RBMS2: variants seen among roughly 807,000 people sequenced by gnomAD.
RBMS2 encodes RNA binding motif single stranded interacting protein 2.
A neutral mutation model predicts 58.4 loss-of-function variants in RBMS2; 38 were observed. That is an observed-to-expected ratio of 0.65 (90% CI 0.50 to 0.85). The LOEUF (loss-of-function observed/expected upper bound fraction) is 0.85, where lower values mean the gene tolerates loss of function less well. Among genes scored for constraint, RBMS2 ranks in the 40% least tolerant of loss-of-function variants. The pLI is 0.00. For missense variants in RBMS2, 367 were observed against 503.7 expected (o/e 0.73, Z 2.60); for synonymous variants, 151 against 180.7 (o/e 0.84, Z 1.32).
chr12:56,536,788 T>C (rs1482072457), intron 1 of RBMS2, among the ~76,000 whole-genome samples: 3 of 151,860 alleles, frequency 2.0e-5, no homozygotes, highest in Non-Finnish European at 2.9e-5. Context: ...AGGCTGGTCT[T>C]GAACTCCTGA....
intron 1 of RBMS2, among the ~76,000 whole-genome samples, chr12:56,538,253 G>C (rs979772466): frequency 5.9e-5 from 9 of 151,646 alleles, no homozygotes; most frequent in African/African-American, 2.2e-4. Flanking sequence ...GGCTGGTGTC[G>C]AACTCCTGGC....
intron 11 of RBMS2, 134 bp downstream of exon 11, chr12:56,587,798 C>T: frequency 7.7e-7 from 1 of 1,306,970 alleles, no homozygotes; most frequent in African/African-American, 1.5e-5. Context: ...CAGAACAGGA[C>T]ATAAACTACA....
intron 1 of RBMS2, among the ~76,000 whole-genome samples, chr12:56,530,198 G>A (rs1016149442): frequency 7.3e-5 from 11 of 151,158 alleles, no homozygotes; most frequent in African/African-American, 2.7e-4. Context: ...GTGAGCCACT[G>A]TGCCTAGTCC....
chr12:56,566,205 T>C (rs191298257), intron 2 of RBMS2, among the ~76,000 whole-genome samples: 33 of 152,310 alleles, frequency 2.2e-4, no homozygotes, highest in Admixed American at 1.8e-3. Context: ...GTCAGTGAGA[T>C]GCCGCCAAGG....
At chr12:56,567,527 T>C (rs1208778709) in intron 2 of RBMS2, among the ~76,000 whole-genome samples, 1 of 151,958 alleles carries the variant, frequency 6.6e-6, no homozygotes, top group Non-Finnish European at 1.5e-5. Context: ...ATTTAGATGG[T>C]TTTTTGTTTA....
chr12:56,538,522 C>G (rs916759744), intron 1 of RBMS2, among the ~76,000 whole-genome samples: 7 of 132,250 alleles, frequency 5.3e-5, no homozygotes, highest in African/African-American at 1.5e-4. Flanking sequence ...CTGTCTCACT[C>G]TGTCACCCAG....
intron 5 of RBMS2, among the ~76,000 whole-genome samples, chr12:56,573,574 C>A (rs569508640): frequency 3.8e-4 from 57 of 151,904 alleles, no homozygotes; most frequent in Admixed American, 6.6e-4. Flanking sequence ...GCTGGCAATC[C>A]CGTGTATATC....
At chr12:56,572,252 G>A (rs375296083) in intron 5 of RBMS2, among the ~76,000 whole-genome samples, 29 of 141,182 alleles carry the variant, frequency 2.1e-4, no homozygotes, top group African/African-American at 7.2e-4. Flanking sequence ...TCGCACCACT[G>A]CACTGCAGCC....
At chr12:56,588,059 G>A (rs368900039) in intron 11 of RBMS2, among the ~76,000 whole-genome samples, 3 of 152,106 alleles carry the variant, frequency 2.0e-5, no homozygotes, top group East Asian at 1.9e-4. Context: ...AGTGTGTTGA[G>A]GAAAAGCAGA....
chr12:56,560,396 A>G lies in RBMS2; in HGVS notation c.67-2021A>G, dbSNP rs191553660. The stretch of plus-strand genomic sequence containing the variant: ...CTCAGCCTCCTGAGTAGCTGGGACT[A>G]CAGGTGCATGCCACCACACCTGGCT... On this transcript the variant is annotated intron_variant, in intron 1 of 13. Transcript: ENST00000262031. Among the ~76,000 whole-genome samples, 43 of 151,636 alleles carry G rather than the reference A, an allele frequency of 2.8e-4. 1 individual carries two copies. The highest frequency in any genetic ancestry group is 4.9e-4 in the Non-Finnish European group (33 of 67,962).
chr12:56,579,314 G>C (rs1222824310), intron 5 of RBMS2, among the ~76,000 whole-genome samples: 2 of 152,106 alleles, frequency 1.3e-5, no homozygotes, highest in Non-Finnish European at 2.9e-5. Context: ...TCTCTAAAAG[G>C]CTCAATTTAA....
intron 6 of RBMS2, 54 bp from the exon 7 acceptor site, chr12:56,581,345 G>A (rs572091144): frequency 1.3e-6 from 2 of 1,597,186 alleles, no homozygotes; most frequent in Non-Finnish European, 8.6e-7. Flanking sequence ...GCATGACTGT[G>A]CCTGGGCCAC....
intron 1 of RBMS2, among the ~76,000 whole-genome samples, chr12:56,531,469 C>G (rs1873706790): frequency 2.0e-5 from 3 of 152,102 alleles, no homozygotes; most frequent in Non-Finnish European, 2.9e-5. Context: ...GGCTTTGTCA[C>G]ATATTAGCTG....
intron 1 of RBMS2, among the ~76,000 whole-genome samples, chr12:56,526,393 G>A (rs936625537): frequency 2.6e-5 from 4 of 152,000 alleles, no homozygotes; most frequent in African/African-American, 9.7e-5. Context: ...CACTTATCAG[G>A]AAAGATGTTT....
At chr12:56,564,201 C>A (rs7133264) in intron 2 of RBMS2, among the ~76,000 whole-genome samples, 1 of 151,518 alleles carries the variant, frequency 6.6e-6, no homozygotes, top group Non-Finnish European at 1.5e-5. Flanking sequence ...CTGCCCACTT[C>A]GGCCGCCCAA....
chr12:56,539,033 T>G (rs1160600435), intron 1 of RBMS2, among the ~76,000 whole-genome samples: 1 of 130,294 alleles, frequency 7.7e-6, no homozygotes, highest in Non-Finnish European at 1.7e-5. Context: ...TTTTTTTTTT[T>G]GAGACAGAGT....
At chr12:56,561,759 C>T (rs1565756889) in intron 1 of RBMS2, among the ~76,000 whole-genome samples, 2 of 22,140 alleles carry the variant, frequency 9.0e-5, no homozygotes, top group Non-Finnish European at 4.4e-4. Flanking sequence ...TCGTGATCCA[C>T]CCCCCCCCTC....
chr12:56,581,996 C>T, intron 8 of RBMS2, 63 bp from the exon 9 acceptor site: 1 of 1,561,134 alleles, frequency 6.4e-7, no homozygotes, highest in East Asian at 2.2e-5. Flanking sequence ...CTGTGCCTAT[C>T]AGTTGGGACC....
intron 5 of RBMS2, chr12:56,572,862 C>G (rs1293287608): frequency 3.2e-5 from 31 of 984,030 alleles, no homozygotes; most frequent in Non-Finnish European, 3.7e-5. Flanking sequence ...TTGGTTCACT[C>G]TCTGAAGTGG....
Sources: gnomAD v4.1 joint callset for allele counts (sites outside exome capture counted in the v4.1 genomes callset) on GRCh38, gnomAD v4.1.1 for gene constraint, MANE v1.5 for transcripts, NCBI Gene and HGNC (gene_info 2026-07-23, HGNC 2026-07-21) for gene names.